MYO9A: variants seen among roughly 807,000 people sequenced by gnomAD.
MYO9A encodes the protein unconventional myosin-IXa.
MYO9A carries 103 observed loss-of-function variants against 293.3 expected under a neutral mutation model. The ratio of observed to expected loss-of-function variants is 0.35; its 90% confidence interval spans 0.30 to 0.41. MYO9A has a LOEUF of 0.41. MYO9A is among the 10% of genes least tolerant of loss of function. The pLI, the probability that MYO9A is intolerant of heterozygous loss-of-function variation, is 1.00. For missense variants in MYO9A, 2,685 were observed against 3,033.0 expected (o/e 0.89, Z 2.69); for synonymous variants, 1,001 against 1,035.7 (o/e 0.97, Z 0.64).
At chr15:72,082,868 A>G (rs1407369151) in intron 1 of MYO9A, among the ~76,000 whole-genome samples, 1 of 149,790 alleles carries the variant, frequency 6.7e-6, no homozygotes, top group Non-Finnish European at 1.5e-5. Flanking sequence ...TCCCAGTGAT[A>G]AAAGCCTACT....
chr15:72,101,074 T>A (rs2080287142), intron 1 of MYO9A, among the ~76,000 whole-genome samples: 2 of 117,278 alleles, frequency 1.7e-5, no homozygotes, highest in African/African-American at 3.2e-5. Flanking sequence ...GGTGGGGGGT[T>A]CAGCCCCCCG....
At chr15:72,115,218 T>C (rs544639969) in intron 1 of MYO9A, among the ~76,000 whole-genome samples, 1 of 152,214 alleles carries the variant, frequency 6.6e-6, no homozygotes, top group Non-Finnish European at 1.5e-5. Context: ...AATGTTGGGT[T>C]TCCATCCTAA....
chr15:72,118,317 C>T (rs192977724), upstream of MYO9A: 317 of 222,372 alleles, frequency 1.4e-3, 12 homozygotes, highest in Admixed American at 0.017. Flanking sequence ...TACGGCAGAG[C>T]AGGGAACTCA....
At chr15:72,028,220 T>TATATATAA (rs1555408290) in intron 3 of MYO9A, among the ~76,000 whole-genome samples, 1 of 135,846 alleles carries the variant, frequency 7.4e-6, no homozygotes, top group East Asian at 2.0e-4. Flanking sequence ...AATAAATAAA[T>TATATATAA]ATATATATAT....
chr15:71,896,703 C>T (rs1316134060), intron 25 of MYO9A, among the ~76,000 whole-genome samples: 1 of 151,720 alleles, frequency 6.6e-6, no homozygotes, highest in African/African-American at 2.4e-5. Flanking sequence ...CTGCTTGAGC[C>T]TAGGAGGCAG....
rs2147285009 is a variant in MYO9A at position 71,968,278 on chromosome 15, A to C, written c.1845-153T>G. ...ACCTATATTATCTAACCTGATTCTCATAACAAGCTAAAAAGTAATAATAAA... is the reference window on the plus strand; with the variant it reads ...ACCTATATTATCTAACCTGATTCTCCTAACAAGCTAAAAAGTAATAATAAA... On this transcript the variant is annotated intron_variant, in intron 12 of 41. Coordinates refer to ENST00000356056, the MANE Select transcript of MYO9A (RefSeq NM_006901.4). Among the ~76,000 whole-genome samples, 2 of 152,346 alleles carry C rather than the reference A, an allele frequency of 1.3e-5. 1 individual carries two copies. The highest frequency in any genetic ancestry group is 2.9e-5 in the Non-Finnish European group (2 of 68,014).
chr15:72,116,712 T>C (rs1035580856), intron 1 of MYO9A: 5 of 152,234 alleles, frequency 3.3e-5, no homozygotes, highest in Admixed American at 3.3e-4. Context: ...GGAGGTGAAG[T>C]AATACTACAA....
chr15:72,055,841 G>A (rs2078704234), intron 1 of MYO9A, among the ~76,000 whole-genome samples: 1 of 152,058 alleles, frequency 6.6e-6, no homozygotes, highest in Admixed American at 6.6e-5. Context: ...GGTGAAAAGA[G>A]AACACACTTT....
Position 71,879,805 on chromosome 15 carries a change from C to T in MYO9A, c.5655G>A (p.Lys1885=), listed in dbSNP as rs1567224202. The T allele has an allele frequency of 1.2e-6, 2 of 1,613,264 alleles. No homozygotes were observed. Among genetic ancestry groups the T allele is most frequent in the Non-Finnish European group, 1.7e-6 (2 of 1,179,512 alleles). Residue 1885 remains lysine, a synonymous_variant, in exon 30 of 42, where the codon AAG becomes AAA. Coordinates refer to ENST00000356056, the MANE Select transcript of MYO9A (RefSeq NM_006901.4). The stretch of plus-strand genomic sequence containing the variant: ...TAAATACAACATCCACTAGTGTATC[C>T]TTCTTGCTGTCTTCATTATCTAGGT... ...VNDLDNEDSK[K]DTLVDVVFKK...
intron 15 of MYO9A, among the ~76,000 whole-genome samples, chr15:71,945,416 C>T (rs1401100323): frequency 1.3e-5 from 2 of 152,122 alleles, no homozygotes; most frequent in Non-Finnish European, 2.9e-5. Flanking sequence ...AAGTGACATA[C>T]CATCATTTTT....
chr15:71,835,024 TGTGTCATATCAATGCAATAA>T (rs1223776900), intron 39 of MYO9A, among the ~76,000 whole-genome samples: 1 of 152,144 alleles, frequency 6.6e-6, no homozygotes, highest in Non-Finnish European at 1.5e-5. Flanking sequence ...CTCAGTGTAA[TGTGTCATATCAATGCAATAA>T]AAAAGTCTGA....
Position 72,021,029 on chromosome 15 carries a change from AAAG to A in MYO9A, c.999-15_999-13del. 1 of 1,505,742 alleles carries A rather than the reference AAAG, an allele frequency of 6.6e-7. No individual in the cohort carries two copies. Among genetic ancestry groups the A allele is most frequent in the African/African-American group, 1.4e-5 (1 of 70,018 alleles). The allele number at this position is 1,505,742 out of a possible 1,614,324, so 93.3% of individuals were successfully genotyped here. A position where few individuals can be genotyped will look rare whatever the true frequency, so the allele number is the denominator to read the frequency against. On this transcript the variant is annotated splice_polypyrimidine_tract_variant and intron_variant, in intron 4 of 41. Coordinates refer to ENST00000356056, the MANE Select transcript of MYO9A (RefSeq NM_006901.4). ...ATACATGATAGTTCCTGTGGGAAAC[AAAG>A]AAGTACAAGTTTCATAATGTGTGAC...
chr15:71,852,184 C>A lies in MYO9A; in HGVS notation c.6423G>T (p.Leu2141Phe). The change falls in exon 36 of 42, where the codon TTG becomes TTT. Residue 2141 changes from leucine to phenylalanine, a missense_variant. Transcript: ENST00000356056. ...ASVFKQWLRD[L>F]PNPLMTFELY... The stretch of plus-strand genomic sequence containing the variant: ...GTTCAAAGGTCATGAGAGGATTGGG[C>A]AAATCTCGAAGCCATTGTTTGAATA... 1 of 1,613,702 alleles carries A rather than the reference C, an allele frequency of 6.2e-7. No individual in the cohort carries two copies. The highest frequency in any genetic ancestry group is 8.5e-7 in the Non-Finnish European group (1 of 1,179,790).
intron 4 of MYO9A, among the ~76,000 whole-genome samples, chr15:72,023,554 G>A (rs1047792893): frequency 1.3e-5 from 2 of 151,990 alleles, no homozygotes; most frequent in Non-Finnish European, 2.9e-5. Context: ...AAATAGCTGG[G>A]CATGGTGGCA....
chr15:71,978,309 A>G lies in MYO9A; in HGVS notation c.1723-17T>C. ...ATATTCCTCCTAGAAAAACCAAAAA[A>G]TAAAATAACAATTTATTCATCTTGC... On this transcript the variant is annotated splice_polypyrimidine_tract_variant and intron_variant, in intron 11 of 41. Transcript: ENST00000356056. The G allele has an allele frequency of 6.3e-7, 1 of 1,588,090 alleles. No individual in the cohort carries two copies. The highest frequency in any genetic ancestry group is 1.2e-5 in the South Asian group (1 of 86,368).
intron 15 of MYO9A, among the ~76,000 whole-genome samples, chr15:71,940,970 G>A (rs2058758730): frequency 6.6e-6 from 1 of 151,892 alleles, no homozygotes; most frequent in Non-Finnish European, 1.5e-5. Context: ...GGAGGGGGAG[G>A]AGGAGTAAAT....
At chr15:71,833,391 G>A (rs1247400618) in intron 39 of MYO9A, among the ~76,000 whole-genome samples, 1 of 152,022 alleles carries the variant, frequency 6.6e-6, no homozygotes, top group Non-Finnish European at 1.5e-5. Context: ...GATAAAGAGG[G>A]ATACCTCACA....
chr15:72,102,120 G>C (rs1412852994), intron 1 of MYO9A, among the ~76,000 whole-genome samples: 1 of 151,436 alleles, frequency 6.6e-6, no homozygotes, highest in African/African-American at 2.4e-5. Flanking sequence ...AGACATGGGA[G>C]ACTTTTCATT....
At chr15:71,827,138 G>A (rs2054537926) in intron 41 of MYO9A, 95 bp from the exon 42 acceptor site, 6 of 984,210 alleles carry the variant, frequency 6.1e-6, no homozygotes, top group African/African-American at 1.6e-5. Flanking sequence ...ACATGAAATT[G>A]GGTGGGATAA....
Sources: gnomAD v4.1 joint callset for allele counts (sites outside exome capture counted in the v4.1 genomes callset) on GRCh38, gnomAD v4.1.1 for gene constraint, MANE v1.5 for transcripts, NCBI Gene and HGNC (gene_info 2026-07-23, HGNC 2026-07-21) for gene names.